CADPS: variants seen among roughly 807,000 people sequenced by gnomAD.
CADPS encodes the protein calcium-dependent secretion activator 1.
CADPS carries 57 observed loss-of-function variants against 167.3 expected under a neutral mutation model. That is an observed-to-expected ratio of 0.34 (90% CI 0.28 to 0.42). The LOEUF (loss-of-function observed/expected upper bound fraction) is 0.42, where lower values mean the gene tolerates loss of function less well. CADPS is among the 20% of genes least tolerant of loss of function. The pLI is 1.00. For missense variants in CADPS, 1,414 were observed against 1,738.1 expected (o/e 0.81, Z 3.32); for synonymous variants, 676 against 635.3 (o/e 1.06, Z -0.96).
intron 9 of CADPS, among the ~76,000 whole-genome samples, chr3:62,558,859 G>C (rs1271163275): frequency 6.6e-6 from 1 of 152,118 alleles, no homozygotes; most frequent in Admixed American, 6.6e-5. Context: ...CCTAAGGCTG[G>C]GTCACTGAGA....
intron 17 of CADPS, among the ~76,000 whole-genome samples, chr3:62,501,933 G>T (rs1576909566): frequency 6.6e-6 from 1 of 152,290 alleles, no homozygotes; most frequent in East Asian, 1.9e-4. Context: ...GTGTATGCCT[G>T]ATGTATATAT....
At chr3:62,485,127 T>C (rs772641917) in intron 21 of CADPS, among the ~76,000 whole-genome samples, 5 of 151,466 alleles carry the variant, frequency 3.3e-5, no homozygotes, top group African/African-American at 1.2e-4. Context: ...ATCTGTGCTA[T>C]ATATATAAAA....
rs60975766 is a variant in CADPS at position 62,498,713 on chromosome 3, G to GA, written c.2706+448dup. 7.9e-3 allele frequency among the ~76,000 whole-genome samples: 1,156 copies of GA among 147,000 alleles called. 13 individuals are homozygous for GA. The highest frequency in any genetic ancestry group is 0.023 in the African/African-American group (923 of 40,182). ...TTTAACAACCCAGGCAATCTAAGAT[G>GA]AAAAAAAAAATGAAGACTGTAGTAC... On this transcript the variant is annotated intron_variant, in intron 18 of 29. Transcript: ENST00000383710.
intron 6 of CADPS, among the ~76,000 whole-genome samples, chr3:62,599,951 G>A (rs185419791): frequency 0.011 from 986 of 86,532 alleles, 7 homozygotes; most frequent in Non-Finnish European, 0.019. Flanking sequence ...TATAATGTAC[G>A]ATATATAATG....
chr3:62,667,688 C>G (rs1563593005), intron 3 of CADPS, among the ~76,000 whole-genome samples: 3 of 152,098 alleles, frequency 2.0e-5, no homozygotes, highest in Non-Finnish European at 1.5e-5. Context: ...GCCCCACATT[C>G]CCAAATGTAC....
chr3:62,659,224 G>A (rs959345628), intron 4 of CADPS, among the ~76,000 whole-genome samples: 2 of 152,146 alleles, frequency 1.3e-5, no homozygotes, highest in Non-Finnish European at 2.9e-5. Context: ...AAAATTCACT[G>A]TGATGCTGGA....
At chr3:62,751,015 C>T (rs2082570881) in intron 3 of CADPS, among the ~76,000 whole-genome samples, 1 of 152,096 alleles carries the variant, frequency 6.6e-6, no homozygotes, top group South Asian at 2.1e-4. Context: ...TAATGAATTC[C>T]TAAAGGTAGA....
At chr3:62,724,634 C>A (rs1016143432) in intron 3 of CADPS, among the ~76,000 whole-genome samples, 1 of 152,104 alleles carries the variant, frequency 6.6e-6, no homozygotes, top group Non-Finnish European at 1.5e-5. Flanking sequence ...TGGTGTTATG[C>A]GTCACACACA....
chr3:62,842,600 A>G (rs1236878419), intron 1 of CADPS, among the ~76,000 whole-genome samples: 1 of 152,240 alleles, frequency 6.6e-6, no homozygotes, highest in East Asian at 1.9e-4. Flanking sequence ...TATAATAGGC[A>G]CATTGCCTTG....
chr3:62,729,600 C>A (rs536099427), intron 3 of CADPS, among the ~76,000 whole-genome samples: 1 of 151,978 alleles, frequency 6.6e-6, no homozygotes, highest in South Asian at 2.1e-4. Flanking sequence ...ATTTCACAAT[C>A]TTTAAAATGA....
At chr3:62,677,611 AT>A (rs1331478394) in intron 3 of CADPS, among the ~76,000 whole-genome samples, 1 of 152,116 alleles carries the variant, frequency 6.6e-6, no homozygotes, top group Non-Finnish European at 1.5e-5. Context: ...TTAAAATGTC[AT>A]TGGTGCTGAG....
At chr3:62,616,587 G>A (rs762823292) in intron 6 of CADPS, among the ~76,000 whole-genome samples, 2 of 152,080 alleles carry the variant, frequency 1.3e-5, no homozygotes, top group Admixed American at 1.3e-4. Flanking sequence ...TGTTTTATCT[G>A]TAATCACGTT....
At chr3:62,829,458 T>A (rs992314336) in intron 1 of CADPS, among the ~76,000 whole-genome samples, 1 of 152,106 alleles carries the variant, frequency 6.6e-6, no homozygotes, top group Non-Finnish European at 1.5e-5. Flanking sequence ...GGAAGCTATA[T>A]CCTCCATGGA....
intron 1 of CADPS, among the ~76,000 whole-genome samples, chr3:62,833,814 G>A (rs1250028514): frequency 6.6e-6 from 1 of 152,060 alleles, no homozygotes; most frequent in Non-Finnish European, 1.5e-5. Context: ...ATCTGCTGGG[G>A]TTCTGTACAA....
intron 3 of CADPS, among the ~76,000 whole-genome samples, chr3:62,716,796 A>G (rs2084741425): frequency 6.6e-6 from 1 of 152,184 alleles, no homozygotes; most frequent in South Asian, 2.1e-4. Flanking sequence ...TTGAATTAGT[A>G]GATACTTTGG....
intron 17 of CADPS, 84 bp from the exon 18 acceptor site, chr3:62,499,352 A>G: frequency 4.9e-6 from 4 of 813,820 alleles, no homozygotes; most frequent in Non-Finnish European, 8.5e-6. Context: ...TAAGAAATTG[A>G]GAATAGTTAT....
intron 26 of CADPS, among the ~76,000 whole-genome samples, chr3:62,459,162 C>T (rs574331298): frequency 1.3e-5 from 2 of 152,272 alleles, no homozygotes; most frequent in East Asian, 1.9e-4. Context: ...CTTTTTAAAG[C>T]GCGGTGTTTT....
chr3:62,839,876 C>T (rs900249640), intron 1 of CADPS, among the ~76,000 whole-genome samples: 5 of 152,034 alleles, frequency 3.3e-5, no homozygotes, highest in Non-Finnish European at 7.4e-5. Flanking sequence ...GAGAGGGAGA[C>T]ACATTCAAAT....
intron 3 of CADPS, among the ~76,000 whole-genome samples, chr3:62,679,162 C>T (rs2076753635): frequency 6.6e-6 from 1 of 151,988 alleles, no homozygotes; most frequent in South Asian, 2.1e-4. Context: ...GGTTGACCTG[C>T]CTTGTGTCTA....
Sources: allele counts gnomAD v4.1 joint callset (sites outside exome capture counted in the v4.1 genomes callset), GRCh38; gene constraint gnomAD v4.1.1; transcripts MANE v1.5; gene names NCBI Gene and HGNC (gene_info 2026-07-23, HGNC 2026-07-21).